The following CACNG3 variants were observed in gnomAD, a reference collection of about 807,000 sequenced individuals.
The protein encoded by CACNG3 is calcium voltage-gated channel auxiliary subunit gamma 3.
CACNG3 carries 3 observed loss-of-function variants against 28.5 expected under a neutral mutation model. The ratio of observed to expected loss-of-function variants is 0.11; its 90% CI spans 0.05 to 0.27. The LOEUF is 0.27. Ranked by LOEUF, CACNG3 falls within the 10% of genes least tolerant of loss-of-function variation. The probability of loss-of-function intolerance (pLI) is 1.00; values close to 1 mark genes in which losing one functional copy is unlikely to be tolerated. For missense variants in CACNG3, 236 were observed against 414.4 expected (o/e 0.57, Z 3.74); for synonymous variants, 174 against 162.2 (o/e 1.07, Z -0.55).
At chr16:24,330,685 C>G (rs1899620598) in intron 1 of CACNG3, among the ~76,000 whole-genome samples, 1 of 152,210 alleles carries the variant, frequency 6.6e-6, no homozygotes, top group Non-Finnish European at 1.5e-5. Context: ...CCAGGCACCT[C>G]TGAAAGAGAG....
At chr16:24,275,684 AT>A (rs1186524218) in intron 1 of CACNG3, among the ~76,000 whole-genome samples, 3 of 152,232 alleles carry the variant, frequency 2.0e-5, no homozygotes, top group Non-Finnish European at 4.4e-5. Context: ...AACTGACAGT[AT>A]TTGTTGCCAA....
At chr16:24,318,909 T>A (rs1187379384) in intron 1 of CACNG3, among the ~76,000 whole-genome samples, 1 of 152,164 alleles carries the variant, frequency 6.6e-6, no homozygotes. Context: ...AAGGCTGCTA[T>A]GTGGCATCCG....
chr16:24,314,733 G>GCCGCCTCCTCCTCCT (rs1431233186), intron 1 of CACNG3, among the ~76,000 whole-genome samples: 1 of 119,014 alleles, frequency 8.4e-6, no homozygotes, highest in African/African-American at 3.0e-5. Context: ...TAGGACTCTC[G>GCCGCCTCCTCCTCCT]CCTCCTCCTC....
At chr16:24,283,721 T>C (rs1898859168) in intron 1 of CACNG3, among the ~76,000 whole-genome samples, 2 of 152,210 alleles carry the variant, frequency 1.3e-5, no homozygotes, top group Admixed American at 1.3e-4. Context: ...ACCACCTTGC[T>C]TTTAGCTGTA....
At chr16:24,359,095 C>G (rs1208327671) in intron 3 of CACNG3, among the ~76,000 whole-genome samples, 2 of 152,080 alleles carry the variant, frequency 1.3e-5, no homozygotes, top group African/African-American at 4.8e-5. Flanking sequence ...CCAGAAAGAC[C>G]TTCTTTGGGG....
intron 1 of CACNG3, among the ~76,000 whole-genome samples, chr16:24,279,750 A>G (rs535543120): frequency 3.3e-4 from 51 of 152,346 alleles, no homozygotes; most frequent in African/African-American, 1.2e-3. Flanking sequence ...TGACTGTTGC[A>G]TGTAAAGGTA....
chr16:24,303,524 T>G (rs1248871510), intron 1 of CACNG3, among the ~76,000 whole-genome samples: 1 of 152,096 alleles, frequency 6.6e-6, no homozygotes, highest in Admixed American at 6.6e-5. Context: ...TCTCAGGGAA[T>G]CTTCCTTTAC....
At chr16:24,334,450 C>T (rs1259616839) in intron 1 of CACNG3, among the ~76,000 whole-genome samples, 1 of 152,180 alleles carries the variant, frequency 6.6e-6, no homozygotes, top group Non-Finnish European at 1.5e-5. Flanking sequence ...CGTGGATTCA[C>T]AGCCACCAAA....
intron 2 of CACNG3, among the ~76,000 whole-genome samples, chr16:24,351,851 T>C (rs1303762398): frequency 9.8e-6 from 1 of 101,732 alleles, no homozygotes; most frequent in Non-Finnish European, 2.0e-5. Context: ...TTTTTTTTTT[T>C]TGAGACAGAA....
chr16:24,302,198 TGTA>T (rs1899122432), intron 1 of CACNG3, among the ~76,000 whole-genome samples: 1 of 152,232 alleles, frequency 6.6e-6, no homozygotes, highest in African/African-American at 2.4e-5. Context: ...TGTTCCACAA[TGTA>T]GCCTGAGTAA....
At chr16:24,281,646 G>T (rs1418027565) in intron 1 of CACNG3, among the ~76,000 whole-genome samples, 1 of 152,178 alleles carries the variant, frequency 6.6e-6, no homozygotes, top group Non-Finnish European at 1.5e-5. Flanking sequence ...TCCCCGAAAG[G>T]TTGATTGGCT....
At chr16:24,284,476 T>G (rs1898868425) in intron 1 of CACNG3, among the ~76,000 whole-genome samples, 1 of 152,216 alleles carries the variant, frequency 6.6e-6, no homozygotes, top group Non-Finnish European at 1.5e-5. Context: ...TGCTTATAAT[T>G]CATTTTATTC....
intron 1 of CACNG3, among the ~76,000 whole-genome samples, chr16:24,317,281 C>G (rs2141367632): frequency 6.6e-6 from 1 of 152,220 alleles, no homozygotes; most frequent in East Asian, 1.9e-4. Flanking sequence ...GTGGCTCCCA[C>G]CTGTAATCCC....
chr16:24,353,425 G>A (rs1333709076), intron 2 of CACNG3, among the ~76,000 whole-genome samples: 1 of 152,186 alleles, frequency 6.6e-6, no homozygotes, highest in Non-Finnish European at 1.5e-5. Flanking sequence ...GATGTATTCT[G>A]GCCTGGACCC....
intron 3 of CACNG3, among the ~76,000 whole-genome samples, chr16:24,358,698 G>A (rs1461769830): frequency 6.6e-6 from 1 of 152,156 alleles, no homozygotes; most frequent in Non-Finnish European, 1.5e-5. Flanking sequence ...TTTTCCCTAA[G>A]CCTTGTTACT....
In CACNG3 at chr16:24,301,879, C is replaced by G. The variant is rs578172637; in HGVS notation, c.212-44855C>G. The stretch of plus-strand genomic sequence containing the variant: ...CAACTGCCTATTCTCCTCCTCTGGA[C>G]CTGTCCATAGCTGTATTTCCTTTCT... On this transcript the variant is annotated intron_variant, in intron 1 of 3. Coordinates refer to ENST00000005284, the MANE Select transcript of CACNG3 (RefSeq NM_006539.4). 9.2e-5 allele frequency among the ~76,000 whole-genome samples: 14 copies of G among 152,258 alleles called. No individual in the cohort carries two copies. In the South Asian group the frequency reaches 2.9e-3, roughly 32 times the overall value.
intron 1 of CACNG3, among the ~76,000 whole-genome samples, chr16:24,315,580 CTCTT>C (rs777587626): frequency 1.3e-4 from 17 of 126,940 alleles, no homozygotes; most frequent in Admixed American, 7.9e-4. Flanking sequence ...TTTCTTTCTT[CTCTT>C]TCTTTATCTC....
At chr16:24,271,104 G>A (rs903694136) in intron 1 of CACNG3, among the ~76,000 whole-genome samples, 2 of 152,210 alleles carry the variant, frequency 1.3e-5, no homozygotes, top group East Asian at 3.9e-4. Context: ...AGCCTCTGAA[G>A]GATTTTGAGC....
In CACNG3 at chr16:24,270,125, T is replaced by C. The variant is rs78781058; in HGVS notation, c.211+13160T>C. On this transcript the variant is annotated intron_variant, in intron 1 of 3. Coordinates refer to ENST00000005284, the MANE Select transcript of CACNG3 (RefSeq NM_006539.4). ...GTGTACCATATGCTGTTTGACATCA[T>C]GCATAGCTGCCCTGGAATACAATAA... Among the ~76,000 whole-genome samples the C allele has an allele frequency of 2.0e-3, 299 of 152,296 alleles. 7 individuals are homozygous for C. The East Asian group carries it at 0.035, about 18-fold the overall frequency.
Sources: allele counts gnomAD v4.1 joint callset (sites outside exome capture counted in the v4.1 genomes callset), GRCh38; gene constraint gnomAD v4.1.1; transcripts MANE v1.5; gene names NCBI Gene and HGNC (gene_info 2026-07-23, HGNC 2026-07-21).